The following CNTNAP2 variants were observed in gnomAD, a reference collection of about 807,000 sequenced individuals.
CNTNAP2 encodes contactin associated protein 2.
In CNTNAP2, 98 loss-of-function variants were observed where a neutral mutation model predicts 155.2. The observed-to-expected ratio is 0.63, with a 90% CI of 0.54 to 0.75. The LOEUF is 0.75. Ranked by LOEUF, CNTNAP2 falls within the 30% of genes least tolerant of loss-of-function variation. CNTNAP2 has a pLI of 0.00. For missense variants in CNTNAP2, 1,727 were observed against 1,688.1 expected (o/e 1.02, Z -0.40); for synonymous variants, 651 against 631.2 (o/e 1.03, Z -0.47).
chr7:147,341,983 A>G (rs1795772601), intron 9 of CNTNAP2, among the ~76,000 whole-genome samples: 1 of 152,172 alleles, frequency 6.6e-6, no homozygotes, highest in Admixed American at 6.5e-5. Flanking sequence ...TGTGGAGGCT[A>G]TAACTTCAAA....
chr7:146,724,165 T>C (rs1801388208), intron 1 of CNTNAP2, among the ~76,000 whole-genome samples: 1 of 152,156 alleles, frequency 6.6e-6, no homozygotes, highest in Non-Finnish European at 1.5e-5. Flanking sequence ...ACAATCTCAC[T>C]TATTGCCAAT....
intron 12 of CNTNAP2, among the ~76,000 whole-genome samples, chr7:147,576,055 C>T (rs994086028): frequency 2.6e-5 from 4 of 151,756 alleles, no homozygotes; most frequent in Non-Finnish European, 5.9e-5. Flanking sequence ...TTGAAACATT[C>T]GAAGAAACCC....
intron 8 of CNTNAP2, among the ~76,000 whole-genome samples, chr7:147,272,083 G>A (rs576261759): frequency 1.3e-5 from 2 of 152,156 alleles, no homozygotes; most frequent in South Asian, 2.1e-4. Context: ...AGTAGAGATG[G>A]GGTCTCACCA....
chr7:146,354,479 AT>A (rs1794969406), intron 1 of CNTNAP2, among the ~76,000 whole-genome samples: 1 of 149,908 alleles, frequency 6.7e-6, no homozygotes, highest in African/African-American at 2.5e-5. Context: ...CAGTGGTGCA[AT>A]GTCAGTTCAC....
intron 1 of CNTNAP2, among the ~76,000 whole-genome samples, chr7:146,467,352 A>G (rs1268239928): frequency 2.6e-5 from 4 of 152,182 alleles, no homozygotes; most frequent in Non-Finnish European, 5.9e-5. Context: ...CTAAGTAATT[A>G]GTTAAAATAT....
intron 4 of CNTNAP2, among the ~76,000 whole-genome samples, chr7:147,053,245 A>G (rs900825035): frequency 6.6e-6 from 1 of 152,122 alleles, no homozygotes; most frequent in Admixed American, 6.6e-5. Context: ...CTGGGTTACC[A>G]TTTGAGGGTG....
At chr7:147,638,159 GGCCCTGGGTGTTTTTGAACT>G (rs1264984768) in intron 12 of CNTNAP2, among the ~76,000 whole-genome samples, 1 of 152,010 alleles carries the variant, frequency 6.6e-6, no homozygotes, top group East Asian at 1.9e-4. Context: ...GCCCATCTTT[GGCCCTGGGTGTTTTTGAACT>G]GCCCTCAGTC....
chr7:148,173,046 C>T (rs1396160528), intron 18 of CNTNAP2, among the ~76,000 whole-genome samples: 2 of 152,188 alleles, frequency 1.3e-5, no homozygotes, highest in Admixed American at 6.5e-5. Context: ...TGCTGAAAAA[C>T]CACATTTAAT....
intron 17 of CNTNAP2, among the ~76,000 whole-genome samples, chr7:148,150,282 C>T (rs1452547500): frequency 1.3e-5 from 2 of 152,082 alleles, no homozygotes; most frequent in Non-Finnish European, 2.9e-5. Context: ...GGCGCAGTGG[C>T]TCACGCCCGT....
intron 1 of CNTNAP2, among the ~76,000 whole-genome samples, chr7:146,192,635 T>G (rs1219349237): frequency 6.6e-6 from 1 of 152,064 alleles, no homozygotes; most frequent in African/African-American, 2.4e-5. Context: ...TCACACTGGA[T>G]CCCTCCCATG....
At chr7:148,014,046 C>G (rs1465325078) in intron 15 of CNTNAP2, 1 of 152,000 alleles carries the variant, frequency 6.6e-6, no homozygotes, top group African/African-American at 2.4e-5. Context: ...GAGTTCTCCA[C>G]ACAAATCATT....
intron 1 of CNTNAP2, among the ~76,000 whole-genome samples, chr7:146,691,906 A>G (rs1800703192): frequency 6.6e-6 from 1 of 152,126 alleles, no homozygotes; most frequent in Admixed American, 6.6e-5. Flanking sequence ...TGGCTTTTCA[A>G]TGGTAACGTC....
chr7:146,755,024 A>G (rs932034957), intron 1 of CNTNAP2, among the ~76,000 whole-genome samples: 11 of 151,932 alleles, frequency 7.2e-5, no homozygotes, highest in Admixed American at 6.6e-4. Flanking sequence ...AGCCCAATTT[A>G]TAAGAGTAAG....
chr7:147,653,945 G>A (rs181123318), intron 13 of CNTNAP2, among the ~76,000 whole-genome samples: 13 of 152,242 alleles, frequency 8.5e-5, no homozygotes, highest in Admixed American at 7.2e-4. Context: ...AAAATTAAGA[G>A]GATCAACATT....
chr7:147,983,486 T>C (rs2116872932), intron 15 of CNTNAP2, among the ~76,000 whole-genome samples: 2 of 151,520 alleles, frequency 1.3e-5, no homozygotes, highest in Middle Eastern at 6.8e-3. Context: ...CTGTAAAATA[T>C]TTAAAGAGGT....
chr7:147,267,088 C>T (rs1259236847), intron 8 of CNTNAP2, among the ~76,000 whole-genome samples: 1 of 152,038 alleles, frequency 6.6e-6, no homozygotes, highest in Non-Finnish European at 1.5e-5. Flanking sequence ...TTAGCTTAAT[C>T]CAAGATTTCT....
chr7:146,622,005 GC>G (rs1433741013), intron 1 of CNTNAP2, among the ~76,000 whole-genome samples: 1 of 151,880 alleles, frequency 6.6e-6, no homozygotes, highest in Non-Finnish European at 1.5e-5. Flanking sequence ...AATAATTTCA[GC>G]TCTGGCCACT....
At chr7:148,285,115 A>C (rs57853005) in intron 21 of CNTNAP2, among the ~76,000 whole-genome samples, 22,454 of 152,234 alleles carry the variant, frequency 0.15, 2,160 homozygotes, top group African/African-American at 0.27. Flanking sequence ...ACAGATATTT[A>C]ATGGGACTGT....
intron 1 of CNTNAP2, among the ~76,000 whole-genome samples, chr7:146,614,674 C>T (rs1799195394): frequency 6.6e-6 from 1 of 152,216 alleles, no homozygotes; most frequent in South Asian, 2.1e-4. Context: ...TGCATGCTGA[C>T]AAGAAGGCAA....
Sources: gnomAD v4.1 joint callset for allele counts (sites outside exome capture counted in the v4.1 genomes callset) on GRCh38, gnomAD v4.1.1 for gene constraint, MANE v1.5 for transcripts, NCBI Gene and HGNC (gene_info 2026-07-23, HGNC 2026-07-21) for gene names.